The following ATP6V1H variants were observed in gnomAD, a reference collection of about 807,000 sequenced individuals.
The protein encoded by ATP6V1H is V-type proton ATPase subunit H.
Under a neutral mutation model 71.7 loss-of-function variants are expected in ATP6V1H, and 39 were observed. That is an observed-to-expected ratio of 0.54 (90% confidence interval 0.42 to 0.71). The LOEUF is 0.71. Ranked by LOEUF, ATP6V1H falls within the 30% of genes least tolerant of loss-of-function variation. ATP6V1H has a pLI of 0.00. For synonymous variants in ATP6V1H, 192 were observed against 199.3 expected, an observed-to-expected ratio of 0.96 and a Z score of 0.31; for missense variants, 509 against 594.9, an observed-to-expected ratio of 0.86 and a Z score of 1.50.
intron 11 of ATP6V1H, among the ~76,000 whole-genome samples, chr8:53,766,796 C>T (rs1056475408): frequency 4.6e-5 from 7 of 152,242 alleles, no homozygotes; most frequent in East Asian, 1.9e-4. Context: ...TTGGTCAGAC[C>T]GGTTGATCTC....
chr8:53,806,953 A>G (rs535508976), intron 7 of ATP6V1H: 23 of 430,362 alleles, frequency 5.3e-5, no homozygotes, highest in East Asian at 4.3e-4. Flanking sequence ...TTGAAAAATC[A>G]TAAGTTGGAC....
At chr8:53,748,194 G>A (rs1406277236) in intron 12 of ATP6V1H, among the ~76,000 whole-genome samples, 1 of 151,818 alleles carries the variant, frequency 6.6e-6, no homozygotes, top group Non-Finnish European at 1.5e-5. Context: ...AGACAGCAAA[G>A]GTTTCAGTAA....
chr8:53,774,977 T>G (rs1176187942), intron 9 of ATP6V1H, among the ~76,000 whole-genome samples: 1 of 152,176 alleles, frequency 6.6e-6, no homozygotes, highest in Non-Finnish European at 1.5e-5. Flanking sequence ...GTGTCCGCAA[T>G]TGGTGGGTTC....
chr8:53,726,732 C>T (rs1363094001), intron 13 of ATP6V1H, among the ~76,000 whole-genome samples: 2 of 152,130 alleles, frequency 1.3e-5, no homozygotes, highest in Non-Finnish European at 2.9e-5. Context: ...CTTGTTAGTG[C>T]CTCAATAATG....
intron 8 of ATP6V1H, among the ~76,000 whole-genome samples, chr8:53,796,437 T>C (rs1201022657): frequency 1.3e-5 from 2 of 151,342 alleles, no homozygotes; most frequent in Non-Finnish European, 2.9e-5. Flanking sequence ...ACAGAATATA[T>C]ACAATAGAAG....
intron 12 of ATP6V1H, 44 bp from the exon 13 acceptor site, chr8:53,743,734 A>C: frequency 2.1e-6 from 3 of 1,403,052 alleles, no homozygotes; most frequent in Non-Finnish European, 3.0e-6. Context: ...AATTACTCTC[A>C]AATTCACAGT....
intron 13 of ATP6V1H, among the ~76,000 whole-genome samples, chr8:53,737,109 TTC>T (rs1807239384): frequency 6.6e-6 from 1 of 152,216 alleles, no homozygotes; most frequent in Non-Finnish European, 1.5e-5. Flanking sequence ...GGGCAGGCAT[TTC>T]TCTCTCAGGG....
intron 13 of ATP6V1H, among the ~76,000 whole-genome samples, chr8:53,721,194 A>G (rs1195012504): frequency 6.6e-6 from 1 of 152,160 alleles, no homozygotes; most frequent in Non-Finnish European, 1.5e-5. Flanking sequence ...CTAACTCACT[A>G]TAGTTTAGTT....
At chr8:53,759,890 G>A (rs1043019174) in intron 11 of ATP6V1H, among the ~76,000 whole-genome samples, 3 of 152,182 alleles carry the variant, frequency 2.0e-5, no homozygotes, top group South Asian at 2.1e-4. Flanking sequence ...ATTACCTGAC[G>A]TAAGTGTGGT....
At chr8:53,806,504 T>C (rs973737521) in intron 7 of ATP6V1H, among the ~76,000 whole-genome samples, 1 of 152,118 alleles carries the variant, frequency 6.6e-6, no homozygotes, top group African/African-American at 2.4e-5. Flanking sequence ...AGTACTGCTT[T>C]CAATCTAATG....
chr8:53,822,386 T>A (rs1810691185), intron 4 of ATP6V1H, among the ~76,000 whole-genome samples: 1 of 151,834 alleles, frequency 6.6e-6, no homozygotes, highest in African/African-American at 2.4e-5. Flanking sequence ...AAATAGCCAC[T>A]AAAAAATGAG....
At position 53,801,880 on chromosome 8, in the gene ATP6V1H, T is replaced by C. The variant is rs756445508; in HGVS notation, c.596A>G (p.Gln199Arg). 1.2e-6 allele frequency: 2 copies of C among 1,613,812 alleles called. No homozygotes were observed. The highest frequency in any genetic ancestry group is 1.7e-6 in the Non-Finnish European group (2 of 1,179,868). The change falls in exon 8 of 14, where the codon CAG becomes CGG. Residue 199 changes from glutamine to arginine, a missense_variant. Physicochemically the swap from Gln to Arg is conservative, Grantham distance 43. Transcript: ENST00000359530. ...VSSSDSSQYV[Q>R]CVAGCLQLML... ...CAGCTGCAAACACCCGGCCACGCAC[T>C]GCACATACTGCGAACTCTGCACAAG... is the stretch of plus-strand genomic sequence containing the variant.
At chr8:53,750,617 T>G (rs1399311193) in intron 12 of ATP6V1H, among the ~76,000 whole-genome samples, 2 of 152,190 alleles carry the variant, frequency 1.3e-5, no homozygotes, top group African/African-American at 4.8e-5. Context: ...CTCCAGAATA[T>G]TTTTGTTATA....
intron 13 of ATP6V1H, among the ~76,000 whole-genome samples, chr8:53,730,332 G>C (rs1013811068): frequency 6.6e-6 from 1 of 152,164 alleles, no homozygotes; most frequent in Non-Finnish European, 1.5e-5. Flanking sequence ...AACATGTCTA[G>C]ACTTCGTTCA....
At chr8:53,830,664 G>A (rs970038459) in intron 3 of ATP6V1H, among the ~76,000 whole-genome samples, 1 of 151,862 alleles carries the variant, frequency 6.6e-6, no homozygotes, top group Non-Finnish European at 1.5e-5. Flanking sequence ...CCCATAAAAG[G>A]CCCATCACAC....
At chr8:53,740,005 G>C (rs1457662741) in intron 13 of ATP6V1H, among the ~76,000 whole-genome samples, 1 of 152,166 alleles carries the variant, frequency 6.6e-6, no homozygotes, top group Non-Finnish European at 1.5e-5. Flanking sequence ...GATGTGGAAG[G>C]GGAGAAACGC....
intron 9 of ATP6V1H, among the ~76,000 whole-genome samples, chr8:53,785,588 C>T (rs1243976880): frequency 3.3e-5 from 5 of 152,202 alleles, no homozygotes; most frequent in African/African-American, 4.8e-5. Context: ...TGAGGAGCTG[C>T]GTTCCTTTGG....
chr8:53,769,298 C>T lies in ATP6V1H; in HGVS notation c.1175+320G>A, dbSNP rs544965641. Among the ~76,000 whole-genome samples, 3 of 152,068 alleles carry T rather than the reference C, an allele frequency of 2.0e-5. No individual in the cohort carries two copies. In the East Asian group the frequency reaches 5.8e-4, roughly 29 times the overall value. On this transcript the variant is annotated intron_variant, in intron 11 of 13. Transcript: ENST00000359530. ...TTTAGAGCATCTCTTCATCAAGACA[C>T]CATTAAAAAGTAAAATGGCATGCAA...
At chr8:53,761,574 A>T (rs1808276006) in intron 11 of ATP6V1H, among the ~76,000 whole-genome samples, 2 of 152,226 alleles carry the variant, frequency 1.3e-5, no homozygotes, top group South Asian at 4.1e-4. Context: ...AGTTTTCTAA[A>T]CACTAGATTT....
Sources: allele counts gnomAD v4.1 joint callset (sites outside exome capture counted in the v4.1 genomes callset), GRCh38; gene constraint gnomAD v4.1.1; transcripts MANE v1.5; gene names NCBI Gene and HGNC (gene_info 2026-07-23, HGNC 2026-07-21).